TWSG1: variants seen among roughly 807,000 people sequenced by gnomAD.
TWSG1 encodes the protein twisted gastrulation protein homolog 1.
TWSG1 carries 15 observed loss-of-function variants against 23.0 expected under a neutral mutation model. That is an observed-to-expected ratio of 0.65 (90% CI 0.44 to 1.00). TWSG1 has a LOEUF of 1.00. TWSG1 is among the 50% of genes least tolerant of loss of function. The pLI, the probability that TWSG1 is intolerant of heterozygous loss-of-function variation, is 0.00. For synonymous variants in TWSG1, 86 were observed against 92.8 expected (o/e 0.93, Z 0.42); for missense variants, 242 against 278.7 (o/e 0.87, Z 0.94).
rs376725293 is a variant in TWSG1, at chr18:9,337,182, T to C, written c.-37-11T>C. On this transcript the variant is annotated splice_polypyrimidine_tract_variant and intron_variant, in intron 1 of 4. Coordinates refer to ENST00000262120, the MANE Select transcript of TWSG1 (RefSeq NM_020648.6). ...CTTGCCTTTGAATTAAAGTTGTGTT[T>C]GTTTGTTTAGTTTCCTGGGAGTTAC... 5.0e-6 allele frequency: 8 copies of C among 1,599,242 alleles called. No individual in the cohort carries two copies. The African/African-American group carries it at 9.4e-5, about 19-fold the overall frequency.
At position 9,399,291 on chromosome 18, in the gene TWSG1, TA is replaced by T. The variant is rs1176519887; in HGVS notation, c.491-54del. ...TATTCAACTAGGTAATAAAGCATTTTATTTTTTTGTTTTTCTTCTTTCTTGC... is the reference window on the plus strand; with the variant it reads ...TATTCAACTAGGTAATAAAGCATTTTTTTTTTTGTTTTTCTTCTTTCTTGC... On this transcript the variant is annotated intron_variant, in intron 4 of 4. Transcript: ENST00000262120. 12 of 1,318,538 alleles carry T rather than the reference TA, an allele frequency of 9.1e-6. No homozygotes were observed. In the Admixed American group the frequency reaches 1.4e-4, roughly 15 times the overall value. 81.7% of individuals were successfully genotyped at this position (1,318,538 alleles called of 1,614,324 possible).
intron 3 of TWSG1, among the ~76,000 whole-genome samples, chr18:9,373,209 A>C (rs1478578189): frequency 1.3e-5 from 2 of 152,316 alleles, no homozygotes; most frequent in East Asian, 3.9e-4. Context: ...AAGAAATAAC[A>C]ATCTTTAATG....
chr18:9,348,870 T>A (rs1383143992), intron 2 of TWSG1, among the ~76,000 whole-genome samples: 1 of 152,196 alleles, frequency 6.6e-6, no homozygotes, highest in Non-Finnish European at 1.5e-5. Flanking sequence ...AATTAGAACA[T>A]TTGTTTATAT....
chr18:9,375,166 C>CAAAAA (rs34522798), intron 3 of TWSG1, among the ~76,000 whole-genome samples: 1 of 89,748 alleles, frequency 1.1e-5, no homozygotes. Flanking sequence ...TACTCCGTCT[C>CAAAAA]AAAAAAAAAA....
At chr18:9,396,095 G>T (rs555005931) in intron 3 of TWSG1, among the ~76,000 whole-genome samples, 185 bp from the exon 4 acceptor site, 1 of 139,512 alleles carries the variant, frequency 7.2e-6, no homozygotes, top group Admixed American at 7.6e-5. Flanking sequence ...TGAGCGTTCA[G>T]TATGCTTGAA....
intron 3 of TWSG1, among the ~76,000 whole-genome samples, chr18:9,380,532 G>T (rs2040651549): frequency 6.6e-6 from 1 of 152,218 alleles, no homozygotes; most frequent in Admixed American, 6.5e-5. Flanking sequence ...TTACTCTTGA[G>T]CTAGTAATGA....
intron 2 of TWSG1, among the ~76,000 whole-genome samples, chr18:9,337,591 A>G (rs1204759830): frequency 6.6e-5 from 10 of 152,210 alleles, no homozygotes; most frequent in Non-Finnish European, 2.9e-5. Flanking sequence ...TTGTATAAAC[A>G]TGTCATTACA....
At chr18:9,356,111 A>G (rs983157445) in intron 2 of TWSG1, among the ~76,000 whole-genome samples, 7 of 152,330 alleles carry the variant, frequency 4.6e-5, no homozygotes, top group Non-Finnish European at 1.0e-4. Flanking sequence ...TTAATTGTAC[A>G]GTAATGAAAG....
intron 3 of TWSG1, among the ~76,000 whole-genome samples, chr18:9,394,058 T>G (rs1731221809): frequency 6.6e-6 from 1 of 152,212 alleles, no homozygotes; most frequent in African/African-American, 2.4e-5. Flanking sequence ...TATACATTTA[T>G]GCTAAGGAAA....
Position 9,396,506 on chromosome 18 carries a change from C to T in TWSG1, c.450C>T (p.Val150=). 6.2e-7 allele frequency: 1 copy of T among 1,613,868 alleles called. No individual in the cohort carries two copies. Among genetic ancestry groups the T allele is most frequent in the South Asian group, 1.1e-5 (1 of 91,078 alleles). The change falls in exon 4 of 5, where the codon GTC becomes GTT. Residue 150 remains valine, a synonymous_variant. Transcript: ENST00000262120. ...VNQPHHQNVS[V]PSNNVHAPYS... is the part of the protein sequence containing the mutation. ...AGCCACACCACCAGAATGTGTCTGT[C>T]CCCAGCAATAATGTTCACGCGCCTT...
At chr18:9,363,960 C>T (rs2040565426) in intron 3 of TWSG1, among the ~76,000 whole-genome samples, 2 of 152,150 alleles carry the variant, frequency 1.3e-5, no homozygotes, top group South Asian at 2.1e-4. Context: ...TCGTCTAATA[C>T]CACTCAGATC....
rs142770364 is a variant in TWSG1, at chr18:9,359,992, G to A, written c.144G>A (p.Pro48=). 5.8e-3 allele frequency: 9,277 copies of A among 1,613,184 alleles called. 55 individuals carry two copies. Among genetic ancestry groups the A allele is most frequent in the Middle Eastern group, 0.036 (218 of 6,056 alleles). The part of the protein sequence containing the change: ...CLIQELCQCR[P]GEGNCSCCKE... ...TCTAGGAGCTCTGCCAGTGCCGGCC[G>A]GGAGAAGGCAATTGCTCCTGCTGTA... Residue 48 remains proline, a synonymous_variant, in exon 3 of 5, where the codon CCG becomes CCA. Transcript: ENST00000262120.
chr18:9,382,584 C>T (rs752977237), intron 3 of TWSG1, among the ~76,000 whole-genome samples: 2 of 151,042 alleles, frequency 1.3e-5, no homozygotes, highest in African/African-American at 2.4e-5. Flanking sequence ...GAGGCTGAGG[C>T]GGGCAGATCA....
At chr18:9,395,875 T>G (rs1247156087) in intron 3 of TWSG1, among the ~76,000 whole-genome samples, 2 of 152,210 alleles carry the variant, frequency 1.3e-5, no homozygotes, top group East Asian at 1.9e-4. Flanking sequence ...CTTATTATTA[T>G]TTTAATGCTC....
Position 9,399,455 on chromosome 18 carries a change from C to T in TWSG1, c.600C>T (p.Cys200=). 6.2e-7 allele frequency: 1 copy of T among 1,614,076 alleles called. No individual in the cohort carries two copies. The highest frequency in any genetic ancestry group is 1.1e-5 in the South Asian group (1 of 91,072). The change falls in exon 5 of 5, where the codon TGC becomes TGT. Residue 200 remains cysteine (C), a synonymous_variant. Coordinates refer to ENST00000262120, the MANE Select transcript of TWSG1 (RefSeq NM_020648.6). ...AATATCGCTGGTTTCATAATGCCTG[C>T]TGCGAGTGCATTGGTCCAGAATGTA... The part of the protein sequence containing the change: ...ASKYRWFHNA[C]CECIGPECID...
intron 3 of TWSG1, among the ~76,000 whole-genome samples, chr18:9,395,497 T>C (rs2040730498): frequency 6.6e-6 from 1 of 152,244 alleles, no homozygotes; most frequent in South Asian, 2.1e-4. Context: ...GTAAGGAATA[T>C]CATTCCCTTC....
intron 2 of TWSG1, among the ~76,000 whole-genome samples, chr18:9,359,444 G>A (rs1389283354): frequency 6.6e-6 from 1 of 152,166 alleles, no homozygotes; most frequent in Non-Finnish European, 1.5e-5. Flanking sequence ...CAGAGGAGCT[G>A]CAAAGCTACA....
At chr18:9,378,814 T>C (rs1211351459) in intron 3 of TWSG1, among the ~76,000 whole-genome samples, 1 of 141,020 alleles carries the variant, frequency 7.1e-6, no homozygotes, top group African/African-American at 2.8e-5. Flanking sequence ...CTACAAAAAA[T>C]ACCAAAAAAA....
intron 3 of TWSG1, among the ~76,000 whole-genome samples, chr18:9,368,194 TTTTTTTTGTTTTG>T (rs1316434696): frequency 6.8e-6 from 1 of 147,264 alleles, no homozygotes; most frequent in Admixed American, 6.8e-5. Context: ...TATTGTGGTG[TTTTTTTTGTTTTG>T]TTTTGTTTTT....
Sources: allele counts gnomAD v4.1 joint callset (sites outside exome capture counted in the v4.1 genomes callset), GRCh38; gene constraint gnomAD v4.1.1; transcripts MANE v1.5; gene names NCBI Gene and HGNC (gene_info 2026-07-23, HGNC 2026-07-21).